PRMT8: variants seen among roughly 807,000 people sequenced by gnomAD.
PRMT8 encodes the protein protein arginine N-methyltransferase 8.
In PRMT8, 7 loss-of-function variants were observed where a neutral mutation model predicts 47.1. The ratio of observed to expected loss-of-function variants is 0.15; its 90% CI spans 0.08 to 0.28. The LOEUF is 0.28. Ranked by LOEUF, PRMT8 falls within the 10% of genes least tolerant of loss-of-function variation. The probability of loss-of-function intolerance (pLI) is 1.00; values close to 1 mark genes in which losing one functional copy is unlikely to be tolerated. For missense variants in PRMT8, 237 were observed against 505.4 expected (o/e 0.47, Z 5.09); for synonymous variants, 188 against 186.5 (o/e 1.01, Z -0.07).
In PRMT8 at chr12:3,512,009, G is replaced by A. The variant is rs563910831; in HGVS notation, c.75+20309G>A. Among the ~76,000 whole-genome samples the A allele has an allele frequency of 2.3e-4, 35 of 152,264 alleles. No individual in the cohort carries two copies. In the South Asian group the frequency reaches 7.1e-3, roughly 31 times the overall value. ...CAGCTGAACTTCACACTGGGGCCTT[G>A]GGAGTGTGGGGGGCAGTGGGAAGTG... On this transcript the variant is annotated intron_variant, in intron 1 of 9. Coordinates refer to ENST00000382622, the MANE Select transcript of PRMT8 (RefSeq NM_019854.5).
At chr12:3,429,386 C>T (rs2137067041) in intron 1 of PRMT8, among the ~76,000 whole-genome samples, 1 of 152,270 alleles carries the variant, frequency 6.6e-6, no homozygotes, top group South Asian at 2.1e-4. Context: ...AATTTTTCAA[C>T]ATAGTTTCTA....
At chr12:3,592,712 A>AGCTGGCCTGGTGCGAGGGAGACTT (rs1867334245) in intron 9 of PRMT8, among the ~76,000 whole-genome samples, 1 of 152,162 alleles carries the variant, frequency 6.6e-6, no homozygotes, top group African/African-American at 2.4e-5. Flanking sequence ...GCATTTCTTC[A>AGCTGGCCTGGTGCGAGGGAGACTT]GCTGGCCTGG....
intron 2 of PRMT8, among the ~76,000 whole-genome samples, chr12:3,545,228 G>A (rs1255064224): frequency 1.3e-5 from 2 of 152,234 alleles, no homozygotes; most frequent in Non-Finnish European, 2.9e-5. Flanking sequence ...CTCACAAACA[G>A]TGGAGGTATG....
chr12:3,418,113 A>T (rs1441219499), intron 1 of PRMT8, among the ~76,000 whole-genome samples: 1 of 152,264 alleles, frequency 6.6e-6, no homozygotes, highest in African/African-American at 2.4e-5. Flanking sequence ...CATTCTTTCT[A>T]GCTTTCAGGA....
Position 3,493,586 on chromosome 12 carries a change from A to G in PRMT8, c.75+1886A>G, listed in dbSNP as rs1283588201. ...GGTGCAGACCCCTGCCAGGTTCCGC[A>G]GTGTGCAGCGGCGGCTGCTGCGCTC... is the stretch of plus-strand genomic sequence containing the variant. On this transcript the variant is annotated intron_variant, in intron 1 of 9. Coordinates refer to ENST00000382622, the MANE Select transcript of PRMT8 (RefSeq NM_019854.5). This position sits in a 1 kb window ranked among gnomAD's most constrained non-coding sequence, Gnocchi z 8.2. Among the ~76,000 whole-genome samples, 2 of 152,154 alleles carry G rather than the reference A, an allele frequency of 1.3e-5. No homozygotes were observed. The highest frequency in any genetic ancestry group is 2.4e-5 in the African/African-American group (1 of 41,434).
At chr12:3,438,059 C>T (rs145043801) in intron 1 of PRMT8, among the ~76,000 whole-genome samples, 2 of 152,266 alleles carry the variant, frequency 1.3e-5, no homozygotes, top group African/African-American at 4.8e-5. Context: ...TCTACGATTC[C>T]TGCAGAAAAA....
At chr12:3,405,302 C>A (rs780681602) in intron 1 of PRMT8, among the ~76,000 whole-genome samples, 1 of 152,136 alleles carries the variant, frequency 6.6e-6, no homozygotes, top group African/African-American at 2.4e-5. Flanking sequence ...TACCTCCCAC[C>A]GGGTCCCTCC....
chr12:3,427,971 T>C (rs1246727073), intron 1 of PRMT8, among the ~76,000 whole-genome samples: 1 of 152,238 alleles, frequency 6.6e-6, no homozygotes, highest in Non-Finnish European at 1.5e-5. Flanking sequence ...AATTTTACTT[T>C]TGTTGAAAAC....
intron 1 of PRMT8, among the ~76,000 whole-genome samples, chr12:3,505,449 C>T (rs1027831338): frequency 6.6e-6 from 1 of 152,224 alleles, no homozygotes; most frequent in African/African-American, 2.4e-5. Flanking sequence ...CACACTGCAC[C>T]CACTGGCTTC....
At position 3,493,662 on chromosome 12, in the gene PRMT8, C is replaced by T. The variant is rs1015366547; in HGVS notation, c.75+1962C>T. Among the ~76,000 whole-genome samples, 1 of 152,208 alleles carries T rather than the reference C, an allele frequency of 6.6e-6. No homozygotes were observed. The highest frequency in any genetic ancestry group is 1.5e-5 in the Non-Finnish European group (1 of 68,038). Reference sequence around the variant, plus strand: ...CGTCCGGAGCAGGCAGAGCGCCGCGCGCCAGTCTATTTTTACTTGCTTCCC... The same window carrying T: ...CGTCCGGAGCAGGCAGAGCGCCGCGTGCCAGTCTATTTTTACTTGCTTCCC... On this transcript the variant is annotated intron_variant, in intron 1 of 9. Coordinates refer to ENST00000382622, the MANE Select transcript of PRMT8 (RefSeq NM_019854.5). The surrounding 1 kb of genome is among the most constrained non-coding windows in gnomAD (Gnocchi z 8.2).
At chr12:3,553,500 T>G (rs1591599192) in intron 3 of PRMT8, 151 bp from the exon 4 acceptor site, 3 of 676,360 alleles carry the variant, frequency 4.4e-6, no homozygotes, top group South Asian at 1.8e-5. Flanking sequence ...GGGGGCTGGG[T>G]TTCGGTTTTC....
At chr12:3,447,436 C>T (rs1864869995) in intron 1 of PRMT8, among the ~76,000 whole-genome samples, 1 of 152,142 alleles carries the variant, frequency 6.6e-6, no homozygotes, top group Non-Finnish European at 1.5e-5. Flanking sequence ...CATGCTGGTT[C>T]TCACCTCTGG....
chr12:3,452,232 T>C (rs1841377135), intron 1 of PRMT8, among the ~76,000 whole-genome samples: 1 of 151,942 alleles, frequency 6.6e-6, no homozygotes, highest in Non-Finnish European at 1.5e-5. Context: ...AATACCTGGG[T>C]GAGGAAATAA....
At chr12:3,466,719 T>G (rs984739581) in intron 1 of PRMT8, among the ~76,000 whole-genome samples, 4 of 152,154 alleles carry the variant, frequency 2.6e-5, no homozygotes, top group Admixed American at 2.0e-4. Flanking sequence ...GTTTTATCAA[T>G]CTGTCAAAAC....
upstream of PRMT8, among the ~76,000 whole-genome samples, chr12:3,490,721 A>AGAGAGAGAGAGAGAGAG (rs1565420884): frequency 3.1e-5 from 3 of 96,558 alleles, no homozygotes; most frequent in South Asian, 3.7e-4. Context: ...GAGAGAGAGA[A>AGAGAGAGAGAGAGAGAG]AAGGATAAAG....
chr12:3,383,605 C>T (rs1385940782), intron 1 of PRMT8, among the ~76,000 whole-genome samples: 1 of 152,188 alleles, frequency 6.6e-6, no homozygotes, highest in East Asian at 1.9e-4. Flanking sequence ...TAAAAAGCTG[C>T]CATTTATGAA....
intron 1 of PRMT8, among the ~76,000 whole-genome samples, chr12:3,471,067 C>A (rs1031296179): frequency 2.6e-5 from 4 of 152,128 alleles, no homozygotes; most frequent in Non-Finnish European, 5.9e-5. Flanking sequence ...ACGCAGCGCT[C>A]AGAGAAGCAG....
At chr12:3,496,214 A>ATTTTTTTTTTTTT (rs1555085718) in intron 1 of PRMT8, among the ~76,000 whole-genome samples, 10 of 27,774 alleles carry the variant, frequency 3.6e-4, no homozygotes, top group South Asian at 2.6e-3. Context: ...ATATATATAT[A>ATTTTTTTTTTTTT]TTTTTTTTTT....
At chr12:3,428,001 A>G (rs1864624337) in intron 1 of PRMT8, among the ~76,000 whole-genome samples, 1 of 152,220 alleles carries the variant, frequency 6.6e-6, no homozygotes, top group Non-Finnish European at 1.5e-5. Context: ...TTGAGATTTC[A>G]ATTATCCTTT....
Sources: allele counts gnomAD v4.1 joint callset (sites outside exome capture counted in the v4.1 genomes callset), GRCh38; gene constraint gnomAD v4.1.1; non-coding constraint Gnocchi (gnomAD v3.1); transcripts MANE v1.5; gene names NCBI Gene and HGNC (gene_info 2026-07-23, HGNC 2026-07-21).